The following IL1RAPL2 variants were observed in gnomAD, a reference collection of about 807,000 sequenced individuals.
IL1RAPL2 encodes the protein X-linked interleukin-1 receptor accessory protein-like 2.
Under a neutral mutation model 44.1 loss-of-function variants are expected in IL1RAPL2, and 3 were observed. The observed-to-expected ratio is 0.07, with a 90% CI of 0.03 to 0.18. The LOEUF is 0.18. IL1RAPL2 is among the 10% of genes least tolerant of loss of function. The probability of loss-of-function intolerance (pLI) is 1.00; values close to 1 mark genes in which losing one functional copy is unlikely to be tolerated. For missense variants in IL1RAPL2, 391 were observed against 496.4 expected (o/e 0.79, Z 2.02); for synonymous variants, 181 against 178.8 (o/e 1.01, Z -0.10).
At chrX:104,904,371 A>G (rs1231823411) in intron 2 of IL1RAPL2, among the ~76,000 whole-genome samples, 1 of 107,956 alleles carries the variant, frequency 9.3e-6, no homozygotes, top group Non-Finnish European at 1.9e-5. Flanking sequence ...TTACATATGT[A>G]TACATGTGCC....
intron 2 of IL1RAPL2, among the ~76,000 whole-genome samples, chrX:104,761,609 T>C (rs1430917793): frequency 9.0e-6 from 1 of 111,492 alleles, no homozygotes; most frequent in East Asian, 2.8e-4. Flanking sequence ...ATGTCCAAAG[T>C]CTCATCTGAC....
At chrX:105,033,310 T>C (rs2031549902) in intron 2 of IL1RAPL2, among the ~76,000 whole-genome samples, 1 of 111,843 alleles carries the variant, frequency 8.9e-6, no homozygotes. Flanking sequence ...TGCAGTTTCT[T>C]CCTAGCCTTG....
In IL1RAPL2 at chrX:104,771,895, ATAT is replaced by A. The variant is rs200210020; in HGVS notation, c.82+112904_82+112906del. Among the ~76,000 whole-genome samples the A allele has an allele frequency of 6.3e-3, 711 of 112,149 alleles. 3 individuals are homozygous for A. The highest frequency in any genetic ancestry group is 0.022 in the African/African-American group (679 of 30,865). ...TTTGAGTGCACAAACCTCTGCATACATATTATGTACATAATAAAACACAAAAAT... is the reference window on the plus strand; with the variant it reads ...TTTGAGTGCACAAACCTCTGCATACATATGTACATAATAAAACACAAAAAT... On this transcript the variant is annotated intron_variant, in intron 2 of 10. Transcript: ENST00000372582.
chrX:104,682,789 A>G lies in IL1RAPL2; in HGVS notation c.82+23794A>G, dbSNP rs946825173. On this transcript the variant is annotated intron_variant, in intron 2 of 10. Transcript: ENST00000372582. ...AATTATTCAAAACAGCTAGGGGAGA[A>G]GAAGTAATCCGGTTGTATGAGCATT... Among the ~76,000 whole-genome samples, 4 of 112,400 alleles carry G rather than the reference A, an allele frequency of 3.6e-5. No individual in the cohort carries two copies. The East Asian group carries it at 1.1e-3, about 31-fold the overall frequency.
chrX:104,975,353 A>C (rs894790956), intron 2 of IL1RAPL2, among the ~76,000 whole-genome samples: 19 of 111,637 alleles, frequency 1.7e-4, no homozygotes, highest in Non-Finnish European at 3.2e-4. Context: ...TTAACCATAC[A>C]CTTTTCCTTC....
intron 6 of IL1RAPL2, among the ~76,000 whole-genome samples, chrX:105,636,979 C>G (rs780797089): frequency 1.8e-5 from 2 of 111,248 alleles, no homozygotes; most frequent in Admixed American, 1.9e-4. Context: ...AGCCAAAAGT[C>G]TTAGGTGGGG....
intron 2 of IL1RAPL2, among the ~76,000 whole-genome samples, chrX:105,047,283 T>C (rs73520223): frequency 0.066 from 7,328 of 111,606 alleles, 662 homozygotes; most frequent in African/African-American, 0.23. Context: ...CAACTCATAT[T>C]TCCTTCAGGC....
intron 5 of IL1RAPL2, among the ~76,000 whole-genome samples, chrX:105,452,209 C>T (rs952993625): frequency 2.7e-5 from 3 of 111,406 alleles, no homozygotes; most frequent in African/African-American, 9.8e-5. Flanking sequence ...TGTTCATATA[C>T]AAAAGAAGAA....
chrX:104,970,455 C>G (rs947287416), intron 2 of IL1RAPL2, among the ~76,000 whole-genome samples: 23 of 111,936 alleles, frequency 2.1e-4, no homozygotes, highest in African/African-American at 7.1e-4. Context: ...GGCTACCCCA[C>G]AGGCAGTGTG....
chrX:104,769,888 C>G (rs752996623), intron 2 of IL1RAPL2, among the ~76,000 whole-genome samples: 8 of 112,264 alleles, frequency 7.1e-5, no homozygotes, highest in African/African-American at 2.3e-4. Flanking sequence ...TGAGAACTGC[C>G]TCAGCTGTTA....
chrX:104,968,414 T>G (rs2030167223), intron 2 of IL1RAPL2, among the ~76,000 whole-genome samples: 1 of 111,914 alleles, frequency 8.9e-6, no homozygotes, highest in Non-Finnish European at 1.9e-5. Context: ...GTCTACAAAA[T>G]AATCTGTTGC....
intron 2 of IL1RAPL2, among the ~76,000 whole-genome samples, chrX:104,889,990 C>T (rs949510136): frequency 1.8e-5 from 2 of 110,822 alleles, no homozygotes; most frequent in Non-Finnish European, 3.8e-5. Flanking sequence ...TGATGTTCCC[C>T]TTCCTGTGTC....
intron 2 of IL1RAPL2, among the ~76,000 whole-genome samples, chrX:105,155,512 A>G (rs1035786664): frequency 6.3e-5 from 7 of 110,933 alleles, no homozygotes; most frequent in African/African-American, 2.3e-4. Flanking sequence ...CTGGGCTCTG[A>G]TTGTAGGGAT....
At chrX:105,097,341 A>C (rs1262563206) in intron 2 of IL1RAPL2, among the ~76,000 whole-genome samples, 1 of 105,919 alleles carries the variant, frequency 9.4e-6, no homozygotes, top group Non-Finnish European at 1.9e-5. Flanking sequence ...AAAAAAAAAA[A>C]AAAAAAAAAA....
chrX:105,633,474 A>G (rs946075168), intron 6 of IL1RAPL2, among the ~76,000 whole-genome samples: 1 of 111,643 alleles, frequency 9.0e-6, no homozygotes, highest in Non-Finnish European at 1.9e-5. Context: ...TACAGAAACA[A>G]CTGCTTGAGT....
chrX:104,885,308 T>G (rs1255755242), intron 2 of IL1RAPL2, among the ~76,000 whole-genome samples: 1 of 111,512 alleles, frequency 9.0e-6, no homozygotes, highest in Non-Finnish European at 1.9e-5. Flanking sequence ...ACTCAGATCA[T>G]GGGGACTGGA....
chrX:104,813,714 A>T (rs1356539028), intron 2 of IL1RAPL2, among the ~76,000 whole-genome samples: 1 of 111,455 alleles, frequency 9.0e-6, no homozygotes, highest in East Asian at 2.8e-4. Flanking sequence ...TAGGTATAAC[A>T]TTGCTGGTTT....
intron 6 of IL1RAPL2, among the ~76,000 whole-genome samples, chrX:105,547,626 G>A (rs1370704768): frequency 8.9e-6 from 1 of 111,769 alleles, no homozygotes. Flanking sequence ...TGTCTAATCT[G>A]GGCTCATTCA....
At chrX:105,683,344 A>G (rs1194508331) in intron 6 of IL1RAPL2, among the ~76,000 whole-genome samples, 1 of 111,844 alleles carries the variant, frequency 8.9e-6, no homozygotes, top group Non-Finnish European at 1.9e-5. Flanking sequence ...TTTGTCTATC[A>G]TTATACTCCT....
Sources: gnomAD v4.1 joint callset for allele counts (sites outside exome capture counted in the v4.1 genomes callset) on GRCh38, gnomAD v4.1.1 for gene constraint, MANE v1.5 for transcripts, NCBI Gene and HGNC (gene_info 2026-07-23, HGNC 2026-07-21) for gene names.